The following CDC123 variants were observed in gnomAD, a reference collection of about 807,000 sequenced individuals.
The protein encoded by CDC123 is translation initiation factor eIF2 assembly protein.
A neutral mutation model predicts 54.4 loss-of-function variants in CDC123; 37 were observed. The ratio of observed to expected loss-of-function variants is 0.68; its 90% CI spans 0.52 to 0.89. CDC123 has a LOEUF of 0.89. Ranked by LOEUF, CDC123 falls within the 40% of genes least tolerant of loss-of-function variation. The probability of loss-of-function intolerance (pLI) is 0.00; values close to 1 mark genes in which losing one functional copy is unlikely to be tolerated. For missense variants in CDC123, 361 were observed against 412.1 expected (o/e 0.88, Z 1.07); for synonymous variants, 144 against 136.8 (o/e 1.05, Z -0.37).
intron 7 of CDC123, among the ~76,000 whole-genome samples, chr10:12,233,320 CTG>C (rs1320051946): frequency 6.8e-5 from 10 of 146,744 alleles, no homozygotes; most frequent in Non-Finnish European, 9.3e-5. Flanking sequence ...CACACACTCT[CTG>C]TCTCTTTATA....
At chr10:12,243,411 G>A (rs941146763) in intron 10 of CDC123, among the ~76,000 whole-genome samples, 5 of 151,558 alleles carry the variant, frequency 3.3e-5, no homozygotes, top group African/African-American at 7.3e-5. Context: ...AAAAAATGTG[G>A]TTTGGTTTTT....
intron 7 of CDC123, among the ~76,000 whole-genome samples, chr10:12,232,861 G>T (rs1227392164): frequency 6.6e-6 from 1 of 150,796 alleles, no homozygotes; most frequent in African/African-American, 2.4e-5. Context: ...TCCGGTTCAC[G>T]CCATTCTCCT....
intron 10 of CDC123, among the ~76,000 whole-genome samples, chr10:12,240,003 G>C (rs7911095): frequency 0.35 from 48,792 of 139,086 alleles, 8,642 homozygotes; most frequent in Non-Finnish European, 0.4. Context: ...GCGAGACTCC[G>C]TCTCAAAAAA....
intron 2 of CDC123, among the ~76,000 whole-genome samples, chr10:12,200,408 G>A (rs1447558252): frequency 2.0e-5 from 3 of 152,038 alleles, no homozygotes; most frequent in Non-Finnish European, 4.4e-5. Context: ...TTACAGGCGT[G>A]AGCCACTGTG....
rs1413613433 is a variant in CDC123 at position 12,231,000 on chromosome 10, AG to A, written c.489+5del. On this transcript the variant is annotated splice_donor_5th_base_variant and intron_variant, in intron 7 of 12. Coordinates refer to ENST00000281141, the MANE Select transcript of CDC123 (RefSeq NM_006023.3). ...AGATCCATGTATAGAATATGAGGTA[AG>A]AAGCTTATTTTCTTTGATAATTGTA... is the stretch of plus-strand genomic sequence containing the variant. The A allele has an allele frequency of 6.2e-7, 1 of 1,601,366 alleles. No individual in the cohort carries two copies. The highest frequency in any genetic ancestry group is 1.1e-5 in the South Asian group (1 of 89,088).
At chr10:12,238,214 T>C (rs954963173) in intron 9 of CDC123, among the ~76,000 whole-genome samples, 7 of 152,184 alleles carry the variant, frequency 4.6e-5, no homozygotes, top group Non-Finnish European at 1.0e-4. Context: ...TATTGGCGTT[T>C]GGTTTGAATT....
At chr10:12,199,988 A>AT (rs940617682) in intron 2 of CDC123, among the ~76,000 whole-genome samples, 2 of 150,998 alleles carry the variant, frequency 1.3e-5, no homozygotes, top group Non-Finnish European at 3.0e-5. Flanking sequence ...CGCCTGGCTA[A>AT]TTTTTTTTAT....
chr10:12,233,676 C>G (rs1182139541), intron 7 of CDC123, among the ~76,000 whole-genome samples: 1 of 151,826 alleles, frequency 6.6e-6, no homozygotes, highest in Non-Finnish European at 1.5e-5. Flanking sequence ...ATTTTAGTTT[C>G]AGATTCATTT....
Position 12,200,056 on chromosome 10 carries a change from C to T in CDC123, c.146+1280C>T, listed in dbSNP as rs568051075. Among the ~76,000 whole-genome samples, 6 of 149,022 alleles carry T rather than the reference C, an allele frequency of 4.0e-5. No homozygotes were observed. The East Asian group carries it at 1.0e-3, about 25-fold the overall frequency. On this transcript the variant is annotated intron_variant, in intron 2 of 12. Transcript: ENST00000281141. The stretch of plus-strand genomic sequence containing the variant: ...CAGGATGGTCTTGATCTCCTGACCT[C>T]GTGATCTGGCTGCCTCGGCCTCCCA...
chr10:12,228,470 A>G (rs1284399518), intron 6 of CDC123, among the ~76,000 whole-genome samples: 2 of 151,694 alleles, frequency 1.3e-5, no homozygotes, highest in Non-Finnish European at 1.5e-5. Flanking sequence ...CAGTGGCGCA[A>G]TCTCGGCTCA....
chr10:12,231,116 C>T, intron 7 of CDC123, 120 bp downstream of exon 7: 1 of 843,394 alleles, frequency 1.2e-6, no homozygotes, highest in South Asian at 1.7e-5. Context: ...AACCTAAAGC[C>T]ACTGAAATTT....
At chr10:12,219,470 T>TA (rs2131743273) in intron 6 of CDC123, among the ~76,000 whole-genome samples, 1 of 152,264 alleles carries the variant, frequency 6.6e-6, no homozygotes, top group African/African-American at 2.4e-5. Flanking sequence ...AAGTATTGTT[T>TA]TGACATTTAA....
At chr10:12,249,342 G>A (rs2131775219) in intron 11 of CDC123, among the ~76,000 whole-genome samples, 1 of 152,278 alleles carries the variant, frequency 6.6e-6, no homozygotes, top group Middle Eastern at 3.4e-3. Flanking sequence ...GGAGGCTGAA[G>A]TGCGAGGTTC....
rs368785866 is a variant in CDC123 at position 12,206,261 on chromosome 10, T to A, written c.147-3706T>A. 7.2e-5 allele frequency among the ~76,000 whole-genome samples: 11 copies of A among 152,358 alleles called. No homozygotes were observed. In the South Asian group the frequency reaches 2.3e-3, roughly 32 times the overall value. ...TTATACTAACAAATATGGTAAGTGA[T>A]TTTTAGAGTGGTAGAATACATTTTC... On this transcript the variant is annotated intron_variant, in intron 2 of 12. Transcript: ENST00000281141.
At chr10:12,248,916 C>T (rs1425470215) in intron 11 of CDC123, among the ~76,000 whole-genome samples, 1 of 152,096 alleles carries the variant, frequency 6.6e-6, no homozygotes, top group Non-Finnish European at 1.5e-5. Context: ...TTGAGACCAG[C>T]CTGGCCAACA....
chr10:12,218,237 C>CCTT (rs1835687547), intron 6 of CDC123, among the ~76,000 whole-genome samples: 1 of 134,398 alleles, frequency 7.4e-6, no homozygotes, highest in Non-Finnish European at 1.6e-5. Flanking sequence ...GTTTGTATTT[C>CCTT]TTTTTTTTTC....
chr10:12,216,165 T>G (rs1190722439), intron 5 of CDC123, among the ~76,000 whole-genome samples: 3 of 152,152 alleles, frequency 2.0e-5, no homozygotes, highest in Non-Finnish European at 4.4e-5. Context: ...TGAAAAGTAA[T>G]AAAAATAAAA....
At chr10:12,227,293 G>T (rs1259804779) in intron 6 of CDC123, among the ~76,000 whole-genome samples, 1 of 145,072 alleles carries the variant, frequency 6.9e-6, no homozygotes, top group African/African-American at 2.5e-5. Flanking sequence ...GGGGGAGGGG[G>T]AGGGGGAGGG....
intron 6 of CDC123, 56 bp from the exon 7 acceptor site, chr10:12,230,892 C>G: frequency 6.7e-7 from 1 of 1,485,942 alleles, no homozygotes; most frequent in Non-Finnish European, 9.3e-7. Flanking sequence ...TAAGTGTGTG[C>G]ATAAACTGGC....
Sources: gnomAD v4.1 joint callset for allele counts (sites outside exome capture counted in the v4.1 genomes callset) on GRCh38, gnomAD v4.1.1 for gene constraint, MANE v1.5 for transcripts, NCBI Gene and HGNC (gene_info 2026-07-23, HGNC 2026-07-21) for gene names.